Variants in DENND3 observed in about 807,000 individuals in gnomAD.
DENND3 encodes the protein DENN domain containing 3, also known as DENN domain-containing protein 3.
Under a neutral mutation model 135.1 loss-of-function variants are expected in DENND3, and 88 were observed. The ratio of observed to expected loss-of-function variants is 0.65; its 90% CI spans 0.55 to 0.78. The LOEUF (loss-of-function observed/expected upper bound fraction) is 0.78, where lower values mean the gene tolerates loss of function less well. Among genes scored for constraint, DENND3 ranks in the 30% least tolerant of loss-of-function variants. The probability of loss-of-function intolerance (pLI) is 0.00; values close to 1 mark genes in which losing one functional copy is unlikely to be tolerated. For missense variants in DENND3, 1,392 were observed against 1,688.4 expected (o/e 0.82, Z 3.08); for synonymous variants, 693 against 712.3 (o/e 0.97, Z 0.43).
intron 8 of DENND3, among the ~76,000 whole-genome samples, chr8:141,159,625 A>G (rs1416341875): frequency 6.6e-6 from 1 of 152,228 alleles, no homozygotes; most frequent in Non-Finnish European, 1.5e-5. Context: ...GCCTGTGTCC[A>G]CCACCCATCC....
intron 17 of DENND3, 108 bp from the exon 18 acceptor site, chr8:141,185,031 G>T (rs1276834375): frequency 2.1e-6 from 3 of 1,417,334 alleles, no homozygotes; most frequent in Non-Finnish European, 2.9e-6. Flanking sequence ...CCTAACATGG[G>T]CCTGGCGCTT....
intron 13 of DENND3, among the ~76,000 whole-genome samples, chr8:141,169,938 G>A (rs188017678): frequency 3.6e-4 from 55 of 152,360 alleles, no homozygotes; most frequent in Middle Eastern, 3.4e-3. Context: ...CCTGGAGTAT[G>A]TGTGGGTCAG....
intron 8 of DENND3, 62 bp from the exon 9 acceptor site, chr8:141,160,570 C>G (rs1589620960): frequency 6.7e-7 from 1 of 1,483,466 alleles, no homozygotes; most frequent in East Asian, 2.3e-5. Context: ...GGGCTGTGTG[C>G]TGGTGAGCGG....
intron 16 of DENND3, among the ~76,000 whole-genome samples, chr8:141,179,037 C>G (rs4961334): frequency 0.092 from 14,009 of 152,232 alleles, 785 homozygotes; most frequent in Admixed American, 0.16. Context: ...GGGACTCTGG[C>G]TTTTTAAAAA....
intron 20 of DENND3, 50 bp downstream of exon 20, chr8:141,190,467 G>A: frequency 6.5e-7 from 1 of 1,533,198 alleles, no homozygotes. Flanking sequence ...CCCTGCTCTG[G>A]GAAAAGGATG....
intron 8 of DENND3, chr8:141,157,993 C>T (rs1235002613): frequency 5.5e-5 from 61 of 1,117,090 alleles, no homozygotes; most frequent in Non-Finnish European, 6.5e-5. Flanking sequence ...CTCCTGACCT[C>T]AGGTGATCCA....
At chr8:141,134,449 C>G (rs1455649150) in intron 1 of DENND3, among the ~76,000 whole-genome samples, 2 of 151,796 alleles carry the variant, frequency 1.3e-5, no homozygotes, top group East Asian at 3.9e-4. Flanking sequence ...GCGCCCGCCA[C>G]CATGCCCGGC....
In DENND3 at chr8:141,167,336, G is replaced by A. The variant is rs954305221; in HGVS notation, c.1754-668G>A. ...CCCACTCACCCTGGGAGCATGCTCC[G>A]CTTTCCCTGCCCTCGGAACCTTCCC... is the stretch of plus-strand genomic sequence containing the variant. On this transcript the variant is annotated intron_variant, in intron 12 of 22. Transcript: ENST00000519811. This position sits in a 1 kb window ranked among gnomAD's most constrained non-coding sequence, Gnocchi z 4.1. Among the ~76,000 whole-genome samples, 8 of 152,216 alleles carry A rather than the reference G, an allele frequency of 5.3e-5. No individual in the cohort carries two copies. The highest frequency in any genetic ancestry group is 2.1e-4 in the South Asian group (1 of 4,824).
At chr8:141,183,738 T>G (rs1195520184) in intron 17 of DENND3, among the ~76,000 whole-genome samples, 16 of 131,432 alleles carry the variant, frequency 1.2e-4, no homozygotes, top group Admixed American at 5.6e-4. Flanking sequence ...TTTGTTTTGT[T>G]TTTTTTTTTT....
chr8:141,147,524 A>G (rs933943073), intron 5 of DENND3, among the ~76,000 whole-genome samples: 34 of 152,174 alleles, frequency 2.2e-4, no homozygotes, highest in African/African-American at 8.0e-4. Flanking sequence ...TGTTTCCACA[A>G]ACACTGTTTC....
chr8:141,192,088 A>C, intron 20 of DENND3: 1 of 437,608 alleles, frequency 2.3e-6, no homozygotes, highest in South Asian at 4.1e-5. Flanking sequence ...AAAGTTAAGA[A>C]AAATTAAGAA....
chr8:141,128,920 C>A lies in DENND3; in HGVS notation c.102+111C>A. 1.2e-6 allele frequency: 1 copy of A among 808,896 alleles called. No homozygotes were observed. The highest frequency in any genetic ancestry group is 1.7e-6 in the Non-Finnish European group (1 of 580,756). 50.1% of individuals were successfully genotyped at this position (808,896 alleles called of 1,614,324 possible). On this transcript the variant is annotated intron_variant, in intron 1 of 22. Transcript: ENST00000519811. The surrounding 1 kb of genome is among the most constrained non-coding windows in gnomAD (Gnocchi z 4.5). ...TGGGTTGGCGCGGACTTTCCGAGGGCTGAGTCCCGGTCCCCCGGCGGTGAC... is the reference window on the plus strand; with the variant it reads ...TGGGTTGGCGCGGACTTTCCGAGGGATGAGTCCCGGTCCCCCGGCGGTGAC...
intron 22 of DENND3, chr8:141,192,985 G>C: frequency 2.8e-6 from 3 of 1,084,086 alleles, no homozygotes; most frequent in Non-Finnish European, 3.7e-6. Context: ...TCCCTCGGGG[G>C]CTCGGGGGGA....
In DENND3 at chr8:141,167,766, C is replaced by T. The variant is rs1436421751; in HGVS notation, c.1754-238C>T. On this transcript the variant is annotated intron_variant, in intron 12 of 22. Coordinates refer to ENST00000519811, the MANE Select transcript of DENND3 (RefSeq NM_001352890.3). This position sits in a 1 kb window ranked among gnomAD's most constrained non-coding sequence, Gnocchi z 4.1. ...CAGTAGTATTACTAGTTGTAGCAAA[C>T]CAAATTGTTCAGTGAATGCTAGCTG... Among the ~76,000 whole-genome samples the T allele has an allele frequency of 1.1e-4, 16 of 152,122 alleles. No individual in the cohort carries two copies. The highest frequency in any genetic ancestry group is 1.0e-3 in the Admixed American group (16 of 15,272).
At chr8:141,165,660 C>T (rs112475516) in intron 11 of DENND3, among the ~76,000 whole-genome samples, 196 of 152,140 alleles carry the variant, frequency 1.3e-3, no homozygotes, top group African/African-American at 4.4e-3. Context: ...GATGGGGTTT[C>T]GCCATGTTGG....
At chr8:141,172,102 TGTGCACGGTGGTGGGC>T (rs1172543622) in intron 13 of DENND3, among the ~76,000 whole-genome samples, 61 of 149,094 alleles carry the variant, frequency 4.1e-4, no homozygotes, top group South Asian at 1.5e-3. Flanking sequence ...TGGTGGTGGG[TGTGCACGGTGGTGGGC>T]GTGCACGGTG....
In DENND3 at chr8:141,146,098, C is replaced by T. The variant is rs888862022; in HGVS notation, c.735+1839C>T. Among the ~76,000 whole-genome samples the T allele has an allele frequency of 2.0e-5, 3 of 152,116 alleles. No individual in the cohort carries two copies. In the South Asian group the frequency reaches 6.2e-4, roughly 31 times the overall value. On this transcript the variant is annotated intron_variant, in intron 5 of 22. Coordinates refer to ENST00000519811, the MANE Select transcript of DENND3 (RefSeq NM_001352890.3). This position sits in a 1 kb window ranked among gnomAD's most constrained non-coding sequence, Gnocchi z 4.3. ...TCCTGACCTCGTGATCTCCCCGCCT[C>T]GGCCTCCCGAAGTGCTGGGATTACA...
At chr8:141,164,205 G>A (rs750411813) in intron 10 of DENND3, among the ~76,000 whole-genome samples, 1 of 152,224 alleles carries the variant, frequency 6.6e-6, no homozygotes, top group African/African-American at 2.4e-5. Context: ...GCTACTGTGT[G>A]TCTCAGCGGC....
At position 141,130,580 on chromosome 8, in the gene DENND3, C is replaced by G. The variant is rs1815908395; in HGVS notation, c.102+1771C>G. Among the ~76,000 whole-genome samples the G allele has an allele frequency of 1.3e-5, 2 of 152,106 alleles. No homozygotes were observed. The highest frequency in any genetic ancestry group is 1.3e-4 in the Admixed American group (2 of 15,268). On this transcript the variant is annotated intron_variant, in intron 1 of 22. Transcript: ENST00000519811. This position sits in a 1 kb window ranked among gnomAD's most constrained non-coding sequence, Gnocchi z 4.2. ...GGGGATGGATTCCATTTCTTGGAGC[C>G]ATCCTACTTTTAAGGTCAATATTAA...
Sources: allele counts gnomAD v4.1 joint callset (sites outside exome capture counted in the v4.1 genomes callset), GRCh38; gene constraint gnomAD v4.1.1; non-coding constraint Gnocchi (gnomAD v3.1); transcripts MANE v1.5; gene names NCBI Gene and HGNC (gene_info 2026-07-23, HGNC 2026-07-21).